The following RBFOX1 variants were observed in gnomAD, a reference collection of about 807,000 sequenced individuals.
The protein encoded by RBFOX1 is RNA binding protein fox-1 homolog 1.
A neutral mutation model predicts 57.7 loss-of-function variants in RBFOX1; 8 were observed. That is an observed-to-expected ratio of 0.14 (90% CI 0.08 to 0.25). RBFOX1 has a LOEUF of 0.25. RBFOX1 is among the 10% of genes least tolerant of loss of function. The pLI is 1.00. For missense variants in RBFOX1, 611 were observed against 548.5 expected (o/e 1.11, Z -1.14); for synonymous variants, 326 against 222.4 (o/e 1.47, Z -4.15).
In RBFOX1 at chr16:6,827,592, G is replaced by T. The variant is rs142608763; in HGVS notation, c.-16+172942G>T. ...AACTGAAATCCGTCTCAGAGGGCCA[G>T]TCTCAGAGTATCCCCTGCCAGCCCC... On this transcript the variant is annotated intron_variant, in intron 3 of 15. Coordinates refer to ENST00000550418, the MANE Select transcript of RBFOX1 (RefSeq NM_018723.4). 5.9e-5 allele frequency among the ~76,000 whole-genome samples: 9 copies of T among 152,280 alleles called. No homozygotes were observed. In the East Asian group the frequency reaches 1.4e-3, roughly 23 times the overall value.
chr16:5,928,405 C>T (rs573309028), intron 4 of RBFOX1, among the ~76,000 whole-genome samples: 3 of 148,380 alleles, frequency 2.0e-5, no homozygotes, highest in Non-Finnish European at 3.0e-5. Flanking sequence ...TAAATGTTCT[C>T]GCCATGAAAA....
chr16:6,104,291 T>C (rs780451669), intron 1 of RBFOX1, among the ~76,000 whole-genome samples: 55 of 152,190 alleles, frequency 3.6e-4, no homozygotes, highest in Non-Finnish European at 7.2e-4. Context: ...AAGGAGAATA[T>C]CCTTCATCAG....
chr16:6,608,112 G>C (rs1261258568), intron 2 of RBFOX1, among the ~76,000 whole-genome samples: 1 of 151,900 alleles, frequency 6.6e-6, no homozygotes, highest in Non-Finnish European at 1.5e-5. Flanking sequence ...TGAAACAACG[G>C]GTTCTCAAGA....
chr16:7,228,145 G>C (rs921902831), intron 4 of RBFOX1, among the ~76,000 whole-genome samples: 1 of 152,122 alleles, frequency 6.6e-6, no homozygotes, highest in Non-Finnish European at 1.5e-5. Flanking sequence ...GTATCAGACT[G>C]TAAGTTCCGC....
chr16:7,709,158 A>C (rs1272097452), intron 15 of RBFOX1, 27 bp downstream of exon 15: 5 of 1,577,670 alleles, frequency 3.2e-6, no homozygotes, highest in Non-Finnish European at 4.4e-6. Context: ...CCTTGTCCTC[A>C]CTTCCTCCTG....
At chr16:5,687,800 C>T (rs776559708) in intron 3 of RBFOX1, among the ~76,000 whole-genome samples, 4 of 152,058 alleles carry the variant, frequency 2.6e-5, no homozygotes, top group Non-Finnish European at 5.9e-5. Flanking sequence ...TCTGAAGTAC[C>T]GGGTATGTAT....
intron 3 of RBFOX1, among the ~76,000 whole-genome samples, chr16:7,008,322 A>G (rs1372667415): frequency 2.0e-5 from 3 of 152,198 alleles, no homozygotes; most frequent in Middle Eastern, 3.4e-3. Context: ...CAGGTGGATC[A>G]CCTGAGGCCA....
intron 2 of RBFOX1, among the ~76,000 whole-genome samples, chr16:6,410,064 C>T (rs968596345): frequency 6.6e-6 from 1 of 152,036 alleles, no homozygotes; most frequent in East Asian, 1.9e-4. Context: ...GAAAATGCCT[C>T]TGTTAAAGAA....
At chr16:7,008,361 A>T (rs1280783548) in intron 3 of RBFOX1, among the ~76,000 whole-genome samples, 1 of 151,984 alleles carries the variant, frequency 6.6e-6, no homozygotes, top group African/African-American at 2.4e-5. Context: ...GGCCAGTATG[A>T]TGAAACCCTG....
intron 2 of RBFOX1, among the ~76,000 whole-genome samples, chr16:6,402,953 A>G (rs996194754): frequency 2.6e-5 from 4 of 152,196 alleles, no homozygotes; most frequent in African/African-American, 4.8e-5. Context: ...GGATTAATAC[A>G]TCACATTTTA....
At chr16:5,953,326 T>A (rs1005884004) in intron 4 of RBFOX1, among the ~76,000 whole-genome samples, 1 of 152,306 alleles carries the variant, frequency 6.6e-6, no homozygotes, top group African/African-American at 2.4e-5. Flanking sequence ...GGCATACTTT[T>A]AAAAAAATTA....
intron 3 of RBFOX1, among the ~76,000 whole-genome samples, chr16:6,791,240 A>T (rs1346803649): frequency 1.4e-4 from 22 of 152,176 alleles, no homozygotes; most frequent in Admixed American, 1.2e-3. Flanking sequence ...TTGGCAGAAG[A>T]TGCTAGGAGA....
intron 4 of RBFOX1, among the ~76,000 whole-genome samples, chr16:7,476,106 C>G (rs189868945): frequency 7.2e-4 from 110 of 152,280 alleles, no homozygotes; most frequent in Non-Finnish European, 1.5e-3. Flanking sequence ...GCTGGGACCA[C>G]TAGCACACAT....
chr16:6,174,596 A>AAAAAAT (rs2096989121), intron 1 of RBFOX1, among the ~76,000 whole-genome samples: 3 of 152,178 alleles, frequency 2.0e-5, no homozygotes, highest in Non-Finnish European at 4.4e-5. Flanking sequence ...GCCTATCTCC[A>AAAAAAT]AAAAATAAAA....
At chr16:5,335,597 C>G (rs1020420837) in intron 1 of RBFOX1, among the ~76,000 whole-genome samples, 2 of 152,136 alleles carry the variant, frequency 1.3e-5, no homozygotes, top group African/African-American at 4.8e-5. Context: ...TTCCTCTTCT[C>G]CATTGCACAT....
At chr16:7,651,395 A>G (rs1266262197) in intron 11 of RBFOX1, among the ~76,000 whole-genome samples, 1 of 152,214 alleles carries the variant, frequency 6.6e-6, no homozygotes, top group East Asian at 1.9e-4. Context: ...TGTAGGTGTA[A>G]TTCTTGGAGT....
intron 2 of RBFOX1, among the ~76,000 whole-genome samples, chr16:6,442,234 C>G (rs550067195): frequency 1.3e-5 from 2 of 152,096 alleles, no homozygotes; most frequent in African/African-American, 4.8e-5. Flanking sequence ...GGGGACACAT[C>G]CACTCGAATG....
At chr16:6,109,486 T>C (rs2096419238) in intron 1 of RBFOX1, among the ~76,000 whole-genome samples, 1 of 152,188 alleles carries the variant, frequency 6.6e-6, no homozygotes, top group Non-Finnish European at 1.5e-5. Flanking sequence ...TGAGGCATAA[T>C]ATAGTTAGTC....
chr16:6,908,902 G>A (rs1030528499), intron 3 of RBFOX1, among the ~76,000 whole-genome samples: 1 of 152,104 alleles, frequency 6.6e-6, no homozygotes, highest in Non-Finnish European at 1.5e-5. Flanking sequence ...CACATCCTAA[G>A]CATTCATGAC....
Sources: allele counts gnomAD v4.1 joint callset (sites outside exome capture counted in the v4.1 genomes callset), GRCh38; gene constraint gnomAD v4.1.1; transcripts MANE v1.5; gene names NCBI Gene and HGNC (gene_info 2026-07-23, HGNC 2026-07-21).